Variants in PDE7A observed in about 807,000 individuals in gnomAD.
The protein encoded by PDE7A is phosphodiesterase 7A, also known as high affinity 3',5'-cyclic-AMP phosphodiesterase 7A.
PDE7A carries 39 observed loss-of-function variants against 64.3 expected under a neutral mutation model. The ratio of observed to expected loss-of-function variants is 0.61; its 90% CI spans 0.47 to 0.79. The LOEUF is 0.79. Among genes scored for constraint, PDE7A ranks in the 30% least tolerant of loss-of-function variants. PDE7A has a pLI of 0.00. For missense variants in PDE7A, 470 were observed against 582.8 expected (o/e 0.81, Z 1.99); for synonymous variants, 203 against 206.8 (o/e 0.98, Z 0.16).
At chr8:65,755,158 C>CTA (rs1349438215) in intron 3 of PDE7A, among the ~76,000 whole-genome samples, 2 of 149,894 alleles carry the variant, frequency 1.3e-5, no homozygotes, top group Non-Finnish European at 3.0e-5. Flanking sequence ...GTAGCTGGGA[C>CTA]TATAGGTGCA....
intron 7 of PDE7A, among the ~76,000 whole-genome samples, chr8:65,733,982 G>A (rs1257757399): frequency 2.6e-5 from 4 of 152,124 alleles, no homozygotes; most frequent in Non-Finnish European, 5.9e-5. Flanking sequence ...GGGCAAACAT[G>A]GCTTTCATTA....
At chr8:65,743,593 A>G (rs1290927022) in intron 5 of PDE7A, among the ~76,000 whole-genome samples, 1 of 152,228 alleles carries the variant, frequency 6.6e-6, no homozygotes, top group Non-Finnish European at 1.5e-5. Context: ...TCCACTAGGC[A>G]TTGCCATACA....
chr8:65,761,892 C>G (rs1808514204), intron 3 of PDE7A, among the ~76,000 whole-genome samples: 1 of 152,198 alleles, frequency 6.6e-6, no homozygotes, highest in Non-Finnish European at 1.5e-5. Context: ...CAGTATTACT[C>G]TAACTCTTCC....
At chr8:65,794,214 A>G (rs1809777373) in intron 1 of PDE7A, among the ~76,000 whole-genome samples, 1 of 152,178 alleles carries the variant, frequency 6.6e-6, no homozygotes, top group Non-Finnish European at 1.5e-5. Flanking sequence ...TAAGATTAGC[A>G]TGGCATGAAT....
At chr8:65,792,321 G>T (rs1809723131) in intron 1 of PDE7A, among the ~76,000 whole-genome samples, 1 of 152,192 alleles carries the variant, frequency 6.6e-6, no homozygotes, top group Admixed American at 6.5e-5. Context: ...GCTAATATCA[G>T]AAAAGCTGAG....
At chr8:65,799,931 C>T (rs1809949798) in intron 1 of PDE7A, among the ~76,000 whole-genome samples, 1 of 152,200 alleles carries the variant, frequency 6.6e-6, no homozygotes, top group Non-Finnish European at 1.5e-5. Flanking sequence ...TGAGACAGAG[C>T]AGGGACTCCC....
intron 11 of PDE7A, among the ~76,000 whole-genome samples, chr8:65,723,946 C>G (rs1187261958): frequency 6.6e-6 from 1 of 152,120 alleles, no homozygotes. Context: ...TTTACATGTT[C>G]ATATGGCCCT....
At chr8:65,797,028 ATATT>A (rs1786098175) in intron 1 of PDE7A, among the ~76,000 whole-genome samples, 1 of 152,244 alleles carries the variant, frequency 6.6e-6, no homozygotes, top group Admixed American at 6.5e-5. Flanking sequence ...GTATTTCTAT[ATATT>A]AGTAAAAAAT....
At chr8:65,796,319 T>TA (rs775954788) in intron 1 of PDE7A, among the ~76,000 whole-genome samples, 71 of 151,644 alleles carry the variant, frequency 4.7e-4, no homozygotes, top group Middle Eastern at 3.4e-3. Flanking sequence ...ACTCCAAACA[T>TA]AAAAAAACAC....
intron 1 of PDE7A, chr8:65,789,140 A>G (rs1809635532): frequency 9.1e-7 from 1 of 1,101,052 alleles, no homozygotes; most frequent in Non-Finnish European, 1.2e-6. Context: ...CTTCTTACCC[A>G]GCGCATGCTT....
Position 65,841,536 on chromosome 8 carries a change from GCGCCCGCCCTGCCGCGGC to G in PDE7A, c.-46_-29del, listed in dbSNP as rs1811088777. Reference sequence around the variant, plus strand: ...AATACGCCCGCCCTGCCTCCGCGCGGCGCCCGCCCTGCCGCGGCCGCCGGCCCCTGCAGTGGGAGGGGG... The same window carrying G: ...AATACGCCCGCCCTGCCTCCGCGCGGCGCCGGCCCCTGCAGTGGGAGGGGG... On this transcript the variant is annotated 5_prime_UTR_variant, in exon 1 of 13. Coordinates refer to ENST00000401827, the MANE Select transcript of PDE7A (RefSeq NM_001242318.3). The G allele has an allele frequency of 3.7e-5, 52 of 1,411,214 alleles. No individual in the cohort carries two copies. Among genetic ancestry groups the G allele is most frequent in the Non-Finnish European group, 4.7e-5 (51 of 1,083,112 alleles). The allele number at this position is 1,411,214 out of a possible 1,614,324, so 87.4% of individuals were successfully genotyped here.
intron 1 of PDE7A, among the ~76,000 whole-genome samples, chr8:65,833,734 T>C (rs997431893): frequency 1.3e-5 from 2 of 152,094 alleles, no homozygotes; most frequent in Admixed American, 6.5e-5. Flanking sequence ...GAGGCCAAGG[T>C]GGGCGGATCA....
intron 7 of PDE7A, among the ~76,000 whole-genome samples, chr8:65,729,312 C>A (rs1287566934): frequency 6.7e-6 from 1 of 149,884 alleles, no homozygotes; most frequent in Non-Finnish European, 1.5e-5. Flanking sequence ...GCCTGCCAGC[C>A]CTTATCATTT....
intron 1 of PDE7A, among the ~76,000 whole-genome samples, chr8:65,826,776 C>A (rs1268990595): frequency 6.6e-6 from 1 of 152,154 alleles, no homozygotes; most frequent in East Asian, 1.9e-4. Context: ...TATATTCTCT[C>A]ATAGTTCTGG....
chr8:65,719,042 C>T lies in PDE7A; in HGVS notation c.*248G>A, dbSNP rs182903906. The T allele has an allele frequency of 2.1e-5, 11 of 533,444 alleles. No homozygotes were observed. Among genetic ancestry groups the T allele is most frequent in the Middle Eastern group, 5.0e-4 (1 of 2,006 alleles). The allele number at this position is 533,444 out of a possible 1,614,324, so 33.0% of individuals were successfully genotyped here. On this transcript the variant is annotated 3_prime_UTR_variant, in exon 13 of 13. Coordinates refer to ENST00000401827, the MANE Select transcript of PDE7A (RefSeq NM_001242318.3). ...TCCTTTGTTACTCCTTTCGGATTCT[C>T]TCCTGCTGGGCTTTGCATATTCAAG...
At chr8:65,815,396 T>G (rs1810375767) in intron 1 of PDE7A, among the ~76,000 whole-genome samples, 2 of 152,220 alleles carry the variant, frequency 1.3e-5, no homozygotes, top group Non-Finnish European at 1.5e-5. Context: ...TTTACCTTTT[T>G]ACACTTTAGA....
chr8:65,751,290 AT>A (rs369511298), intron 3 of PDE7A, among the ~76,000 whole-genome samples: 1 of 152,096 alleles, frequency 6.6e-6, no homozygotes, highest in South Asian at 2.1e-4. Context: ...GTCTGGTTTG[AT>A]TTTTTTCATT....
chr8:65,785,477 G>C (rs1809528235), intron 1 of PDE7A, among the ~76,000 whole-genome samples: 1 of 152,068 alleles, frequency 6.6e-6, no homozygotes, highest in Admixed American at 6.6e-5. Flanking sequence ...TCCTAAGGAA[G>C]CCTCCTGCAG....
chr8:65,766,632 T>C (rs979003472), intron 3 of PDE7A, among the ~76,000 whole-genome samples: 3 of 152,216 alleles, frequency 2.0e-5, no homozygotes, highest in African/African-American at 4.8e-5. Context: ...CTCTCTCCCA[T>C]GCATCACCCT....
Sources: allele counts gnomAD v4.1 joint callset (sites outside exome capture counted in the v4.1 genomes callset), GRCh38; gene constraint gnomAD v4.1.1; transcripts MANE v1.5; gene names NCBI Gene and HGNC (gene_info 2026-07-23, HGNC 2026-07-21).